GPR39: variants seen among roughly 807,000 people sequenced by gnomAD.
GPR39 encodes zinc sensing receptor.
In GPR39, 23 loss-of-function variants were observed where a neutral mutation model predicts 18.4. The observed-to-expected ratio is 1.25, with a 90% CI of 0.90 to 1.77. The LOEUF (loss-of-function observed/expected upper bound fraction) is 1.77. GPR39 is among the 40% of genes most tolerant of loss of function. The pLI is 0.00. For missense variants in GPR39, 647 were observed against 602.4 expected, an observed-to-expected ratio of 1.07 and a Z score of -0.78; for synonymous variants, 280 against 257.9, an observed-to-expected ratio of 1.09 and a Z score of -0.82.
At chr2:132,439,190 G>T (rs1004180643) in intron 1 of GPR39, among the ~76,000 whole-genome samples, 1 of 152,218 alleles carries the variant, frequency 6.6e-6, no homozygotes, top group African/African-American at 2.4e-5. Flanking sequence ...GTTAAACTCG[G>T]AAAATCACAA....
At position 132,417,763 on chromosome 2, in the gene GPR39, A is replaced by G. The variant is rs1354816976; in HGVS notation, c.721A>G (p.Met241Val). ...YLVVLLSVAF[M>V]CWNMMQVLMK... ...CGTGGTCCTGCTCTCCGTAGCCTTC[A>G]TGTGCTGGAACATGATGCAGGTGCT... Residue 241 changes from methionine (M) to valine (V), a missense_variant, in exon 1 of 2, where the codon ATG becomes GTG. Coordinates refer to ENST00000329321, the MANE Select transcript of GPR39 (RefSeq NM_001508.3). The G allele has an allele frequency of 4.8e-5, 77 of 1,614,022 alleles. No homozygotes were observed. The Admixed American group carries it at 7.3e-4, about 15-fold the overall frequency.
At chr2:132,498,707 C>T (rs1005581259) in intron 1 of GPR39, among the ~76,000 whole-genome samples, 6 of 152,152 alleles carry the variant, frequency 3.9e-5, no homozygotes, top group African/African-American at 1.4e-4. Flanking sequence ...TGAAAGTATT[C>T]CCTTTTCACT....
chr2:132,557,406 A>G lies in GPR39; in HGVS notation c.857-87695A>G, dbSNP rs565036053. Among the ~76,000 whole-genome samples the G allele has an allele frequency of 1.6e-4, 24 of 152,306 alleles. 1 individual carries two copies. Among genetic ancestry groups the G allele is most frequent in the African/African-American group, 5.5e-4 (23 of 41,578 alleles). ...GGGGTTTTGGACAAAATAAGCACTAAGCATTTCATGAGTTCCAACTTTGAA... is the reference window on the plus strand; with the variant it reads ...GGGGTTTTGGACAAAATAAGCACTAGGCATTTCATGAGTTCCAACTTTGAA... On this transcript the variant is annotated intron_variant, in intron 1 of 1. Transcript: ENST00000329321.
At chr2:132,480,710 A>C (rs1412138479) in intron 1 of GPR39, among the ~76,000 whole-genome samples, 1 of 152,180 alleles carries the variant, frequency 6.6e-6, no homozygotes, top group African/African-American at 2.4e-5. Context: ...ATAGTGACTT[A>C]TGTGGGGAGA....
intron 1 of GPR39, among the ~76,000 whole-genome samples, chr2:132,500,583 C>T (rs766503431): frequency 1.3e-5 from 2 of 152,088 alleles, no homozygotes; most frequent in African/African-American, 4.8e-5. Flanking sequence ...TAGGGTGATA[C>T]TGGCTTTGTA....
intron 1 of GPR39, among the ~76,000 whole-genome samples, chr2:132,624,778 T>C (rs1681511558): frequency 2.0e-5 from 3 of 152,266 alleles, no homozygotes; most frequent in Admixed American, 2.0e-4. Flanking sequence ...CACTGCTGTG[T>C]GCAGTGTATA....
intron 1 of GPR39, among the ~76,000 whole-genome samples, chr2:132,464,277 T>C (rs1032849413): frequency 6.6e-6 from 1 of 152,196 alleles, no homozygotes; most frequent in Non-Finnish European, 1.5e-5. Flanking sequence ...ACATGGCTGT[T>C]GGTGTTCAGT....
intron 1 of GPR39, among the ~76,000 whole-genome samples, chr2:132,539,320 T>A (rs1168743431): frequency 6.6e-6 from 1 of 152,060 alleles, no homozygotes; most frequent in Admixed American, 6.6e-5. Context: ...TCCTTGCACT[T>A]CCCAGATGAA....
intron 1 of GPR39, among the ~76,000 whole-genome samples, chr2:132,480,014 A>G (rs1015544206): frequency 5.9e-5 from 9 of 152,138 alleles, no homozygotes; most frequent in African/African-American, 7.2e-5. Context: ...TAGCCAAGAG[A>G]TGGAAGCAAC....
At chr2:132,592,516 A>G (rs143368463) in intron 1 of GPR39, among the ~76,000 whole-genome samples, 2 of 152,278 alleles carry the variant, frequency 1.3e-5, no homozygotes, top group East Asian at 3.9e-4. Context: ...AACCACAGTA[A>G]AGACTTCATC....
Position 132,586,637 on chromosome 2 carries a change from G to C in GPR39, c.857-58464G>C, listed in dbSNP as rs544093206. On this transcript the variant is annotated intron_variant, in intron 1 of 1. Transcript: ENST00000329321. ...AGCAGAGCTGCTGAATTCAGGCCTG[G>C]CAGGCATCACATTTTATTTTTAAAC... Among the ~76,000 whole-genome samples, 8 of 152,318 alleles carry C rather than the reference G, an allele frequency of 5.3e-5. No individual in the cohort carries two copies. In the East Asian group the frequency reaches 1.5e-3, roughly 29 times the overall value.
intron 1 of GPR39, among the ~76,000 whole-genome samples, chr2:132,496,498 G>T (rs939652438): frequency 6.6e-6 from 1 of 152,160 alleles, no homozygotes; most frequent in South Asian, 2.1e-4. Flanking sequence ...AAATAACGTG[G>T]TGATAACTTT....
chr2:132,552,814 GTGTGTA>G (rs1474148795), intron 1 of GPR39, among the ~76,000 whole-genome samples: 2 of 119,554 alleles, frequency 1.7e-5, no homozygotes, highest in African/African-American at 6.7e-5. Flanking sequence ...GTGTGTGTGT[GTGTGTA>G]TGTATATATA....
At chr2:132,450,376 C>T (rs192699969) in intron 1 of GPR39, among the ~76,000 whole-genome samples, 5 of 152,354 alleles carry the variant, frequency 3.3e-5, no homozygotes, top group Admixed American at 3.3e-4. Context: ...GGGCTTTCCA[C>T]TGGCACCTAC....
intron 1 of GPR39, among the ~76,000 whole-genome samples, chr2:132,492,652 T>TATATATACACACCATATATATATATA (rs1681507246): frequency 1.5e-5 from 2 of 136,664 alleles, no homozygotes; most frequent in Non-Finnish European, 3.1e-5. Context: ...CTATATATAA[T>TATATATACACACCATATATATATATA]ATATATACAC....
intron 1 of GPR39, among the ~76,000 whole-genome samples, chr2:132,536,076 T>C (rs2104780845): frequency 6.6e-6 from 1 of 152,128 alleles, no homozygotes; most frequent in South Asian, 2.1e-4. Flanking sequence ...TCTCCTTCAG[T>C]TCTGGTCTGA....
intron 1 of GPR39, among the ~76,000 whole-genome samples, chr2:132,562,134 G>A (rs1680265097): frequency 6.6e-6 from 1 of 151,884 alleles, no homozygotes; most frequent in Admixed American, 6.6e-5. Flanking sequence ...TCAAATTTCT[G>A]AGGGTGAGGC....
chr2:132,435,144 A>G (rs1680289375), intron 1 of GPR39, among the ~76,000 whole-genome samples: 1 of 152,186 alleles, frequency 6.6e-6, no homozygotes, highest in African/African-American at 2.4e-5. Flanking sequence ...TACCATATGG[A>G]AACATCTTTA....
chr2:132,553,313 A>ATGTG lies in GPR39; in HGVS notation c.857-91768_857-91765dup, dbSNP rs149187122. ...TGTATATATACACACATATGTATATATGTGTGTGTGTGTGTGTGTGTGTAT... is the reference window on the plus strand; with the variant it reads ...TGTATATATACACACATATGTATATATGTGTGTGTGTGTGTGTGTGTGTGTGTAT... On this transcript the variant is annotated intron_variant, in intron 1 of 1. Coordinates refer to ENST00000329321, the MANE Select transcript of GPR39 (RefSeq NM_001508.3). Among the ~76,000 whole-genome samples, 1,302 of 146,212 alleles carry ATGTG rather than the reference A, an allele frequency of 8.9e-3. 18 individuals are homozygous for ATGTG. Among genetic ancestry groups the ATGTG allele is most frequent in the East Asian group, 0.044 (214 of 4,882 alleles).
Sources: allele counts gnomAD v4.1 joint callset (sites outside exome capture counted in the v4.1 genomes callset), GRCh38; gene constraint gnomAD v4.1.1; transcripts MANE v1.5; gene names NCBI Gene and HGNC (gene_info 2026-07-23, HGNC 2026-07-21).